The following INPP4B variants were observed in gnomAD, a reference collection of about 807,000 sequenced individuals.
INPP4B encodes inositol polyphosphate-4-phosphatase type II B.
A neutral mutation model predicts 122.5 loss-of-function variants in INPP4B; 55 were observed. The observed-to-expected ratio is 0.45, with a 90% CI of 0.36 to 0.56. The LOEUF (loss-of-function observed/expected upper bound fraction) is 0.56, where lower values mean the gene tolerates loss of function less well. INPP4B is among the 20% of genes least tolerant of loss of function. The pLI is 0.00. For synonymous variants in INPP4B, 403 were observed against 388.7 expected, an observed-to-expected ratio of 1.04 and a Z score of -0.43; for missense variants, 1,000 against 1,097.7, an observed-to-expected ratio of 0.91 and a Z score of 1.26.
intron 2 of INPP4B, among the ~76,000 whole-genome samples, chr4:142,462,998 C>G (rs1817023941): frequency 6.6e-6 from 1 of 152,166 alleles, no homozygotes; most frequent in East Asian, 1.9e-4. Context: ...CTATGCCAGG[C>G]ACTATATTAA....
intron 1 of INPP4B, among the ~76,000 whole-genome samples, chr4:142,816,631 T>C (rs930238400): frequency 6.6e-6 from 1 of 152,042 alleles, no homozygotes; most frequent in African/African-American, 2.4e-5. Flanking sequence ...TATATAAAAA[T>C]ATACCTATAC....
chr4:142,234,034 C>T (rs1223358983), intron 12 of INPP4B, among the ~76,000 whole-genome samples: 1 of 152,092 alleles, frequency 6.6e-6, no homozygotes, highest in Non-Finnish European at 1.5e-5. Context: ...GATACTGTTC[C>T]ACTGGGTTCT....
intron 12 of INPP4B, among the ~76,000 whole-genome samples, chr4:142,215,343 T>C (rs1022795008): frequency 2.0e-5 from 3 of 152,174 alleles, no homozygotes; most frequent in Non-Finnish European, 4.4e-5. Flanking sequence ...AAACAGAGTG[T>C]ACTTAATGAA....
At chr4:142,193,038 G>A (rs1836678021) in intron 15 of INPP4B, 49 bp downstream of exon 15, 1 of 1,114,256 alleles carries the variant, frequency 9.0e-7, no homozygotes, top group Non-Finnish European at 1.4e-6. Flanking sequence ...CTTCCCCAAA[G>A]GGGAGATGTT....
At chr4:142,757,551 T>C (rs985572795) in intron 1 of INPP4B, among the ~76,000 whole-genome samples, 4 of 152,174 alleles carry the variant, frequency 2.6e-5, no homozygotes, top group African/African-American at 7.2e-5. Context: ...CCTTTTCATG[T>C]TGGCTTCTTT....
chr4:142,084,150 A>G (rs1775541501), intron 24 of INPP4B, among the ~76,000 whole-genome samples: 1 of 152,164 alleles, frequency 6.6e-6, no homozygotes, highest in Non-Finnish European at 1.5e-5. Context: ...TTTGAGACGG[A>G]GTCTCACTCT....
intron 21 of INPP4B, among the ~76,000 whole-genome samples, chr4:142,114,650 A>G (rs1189593783): frequency 6.6e-6 from 1 of 152,074 alleles, no homozygotes; most frequent in Non-Finnish European, 1.5e-5. Flanking sequence ...ATTTATTTAC[A>G]TATTCTGAAT....
intron 1 of INPP4B, among the ~76,000 whole-genome samples, chr4:142,742,752 G>GA (rs1002274234): frequency 1.3e-5 from 2 of 151,806 alleles, no homozygotes; most frequent in African/African-American, 4.8e-5. Context: ...AGAAGAACTG[G>GA]AAAAAATAGT....
intron 23 of INPP4B, among the ~76,000 whole-genome samples, chr4:142,107,611 G>A (rs764537431): frequency 1.2e-4 from 18 of 152,008 alleles, no homozygotes; most frequent in Non-Finnish European, 1.8e-4. Context: ...ATAAAATATT[G>A]CAATACATAT....
intron 1 of INPP4B, among the ~76,000 whole-genome samples, chr4:142,827,260 T>C (rs1267942532): frequency 1.3e-5 from 2 of 152,230 alleles, no homozygotes; most frequent in Non-Finnish European, 2.9e-5. Context: ...ACCCTACTCC[T>C]ATCCCTCTGT....
chr4:142,281,174 A>G (rs1275922312), intron 9 of INPP4B, among the ~76,000 whole-genome samples: 1 of 151,704 alleles, frequency 6.6e-6, no homozygotes, highest in East Asian at 1.9e-4. Flanking sequence ...CCTTTTAAAC[A>G]CAGACTATTG....
intron 1 of INPP4B, among the ~76,000 whole-genome samples, chr4:142,756,284 A>G (rs556581617): frequency 3.0e-4 from 46 of 152,244 alleles, no homozygotes; most frequent in African/African-American, 1.1e-3. Context: ...GAGTAGAAAG[A>G]TGAAAATAAA....
At chr4:142,602,997 T>C (rs534021841) in intron 2 of INPP4B, among the ~76,000 whole-genome samples, 1 of 152,122 alleles carries the variant, frequency 6.6e-6, no homozygotes, top group South Asian at 2.1e-4. Context: ...AAGAAAATGA[T>C]AGACTGGATA....
intron 25 of INPP4B, among the ~76,000 whole-genome samples, chr4:142,041,487 G>A (rs1477441043): frequency 2.0e-5 from 3 of 151,754 alleles, no homozygotes; most frequent in African/African-American, 4.8e-5. Flanking sequence ...GCTTGGTGGC[G>A]GGCACCTGTA....
chr4:142,252,470 G>A (rs1385557324), intron 11 of INPP4B, among the ~76,000 whole-genome samples: 1 of 152,078 alleles, frequency 6.6e-6, no homozygotes, highest in East Asian at 1.9e-4. Flanking sequence ...TTACAGGCGT[G>A]AGCCACCGCG....
intron 2 of INPP4B, among the ~76,000 whole-genome samples, chr4:142,665,421 G>C (rs1020762631): frequency 2.0e-5 from 3 of 148,138 alleles, no homozygotes; most frequent in Non-Finnish European, 4.4e-5. Context: ...GTGAACCTGG[G>C]AGGCAGAGCT....
At chr4:142,630,262 G>A (rs915860236) in intron 2 of INPP4B, among the ~76,000 whole-genome samples, 3 of 151,988 alleles carry the variant, frequency 2.0e-5, no homozygotes, top group African/African-American at 4.8e-5. Flanking sequence ...CTAAGAATGT[G>A]GTTAAATAAG....
intron 2 of INPP4B, among the ~76,000 whole-genome samples, chr4:142,641,661 G>C (rs886515975): frequency 6.6e-6 from 1 of 152,072 alleles, no homozygotes; most frequent in Non-Finnish European, 1.5e-5. Context: ...TCTTAATCCA[G>C]TCTATCATTG....
intron 7 of INPP4B, among the ~76,000 whole-genome samples, chr4:142,398,118 G>T (rs1313587722): frequency 6.6e-6 from 1 of 151,526 alleles, no homozygotes; most frequent in Non-Finnish European, 1.5e-5. Context: ...GCTCACGCCT[G>T]TAATCCCAGC....
Sources: allele counts gnomAD v4.1 joint callset (sites outside exome capture counted in the v4.1 genomes callset), GRCh38; gene constraint gnomAD v4.1.1; transcripts MANE v1.5; gene names NCBI Gene and HGNC (gene_info 2026-07-23, HGNC 2026-07-21).